Variants in KALRN observed in about 807,000 individuals in gnomAD.
KALRN encodes kalirin RhoGEF kinase.
Under a neutral mutation model 353.7 loss-of-function variants are expected in KALRN, and 70 were observed. That is an observed-to-expected ratio of 0.20 (90% CI 0.16 to 0.24). The LOEUF is 0.24. KALRN is among the 10% of genes least tolerant of loss of function. The probability of loss-of-function intolerance (pLI) is 1.00; values close to 1 mark genes in which losing one functional copy is unlikely to be tolerated. For synonymous variants in KALRN, 1,391 were observed against 1,434.8 expected, an observed-to-expected ratio of 0.97 and a Z score of 0.69; for missense variants, 2,791 against 3,756.7, an observed-to-expected ratio of 0.74 and a Z score of 6.72.
intron 17 of KALRN, among the ~76,000 whole-genome samples, chr3:124,436,850 T>C: frequency 7.1e-6 from 1 of 140,514 alleles, no homozygotes; most frequent in Non-Finnish European, 1.6e-5. Context: ...GAGATGGGAC[T>C]GGAGAAGTCA....
At chr3:124,578,935 CT>C (rs2074381636) in intron 34 of KALRN, among the ~76,000 whole-genome samples, 1 of 152,162 alleles carries the variant, frequency 6.6e-6, no homozygotes, top group East Asian at 1.9e-4. Flanking sequence ...CAAGCCTATG[CT>C]CTATAAAAGG....
Position 124,678,294 on chromosome 3 carries a change from G to A in KALRN, c.7298G>A (p.Gly2433Asp). Residue 2433 changes from glycine (G) to aspartate (D), a missense_variant, in exon 50 of 60, where the codon GGC becomes GAC. Around this residue, in one of 11 missense-constraint regions of KALRN, gnomAD observed 1,065 missense variants for 1,156.4 expected, o/e 0.92. Transcript: ENST00000682506. ...TGPRKPKDIL[G>D]NKVSVKETNS... ...CCTCGTAAACCCAAGGATATTCTGG[G>A]CAACAAAGTCTCTGTTAAAGTGAGT... is the stretch of plus-strand genomic sequence containing the variant. 6.2e-7 allele frequency: 1 copy of A among 1,613,914 alleles called. No homozygotes were observed. Among genetic ancestry groups the A allele is most frequent in the Non-Finnish European group, 8.5e-7 (1 of 1,179,870 alleles).
chr3:124,606,901 C>T (rs142788171), intron 34 of KALRN, among the ~76,000 whole-genome samples: 271 of 152,214 alleles, frequency 1.8e-3, no homozygotes, highest in African/African-American at 5.2e-3. Context: ...CAAATAAAAA[C>T]GATAAGATTA....
intron 38 of KALRN, among the ~76,000 whole-genome samples, chr3:124,652,897 T>C (rs2083578996): frequency 6.6e-6 from 1 of 152,188 alleles, no homozygotes; most frequent in Non-Finnish European, 1.5e-5. Flanking sequence ...ACTCTTAGCA[T>C]GTAGCTTGAA....
At chr3:124,595,940 T>C (rs1457241087) in intron 34 of KALRN, among the ~76,000 whole-genome samples, 2 of 152,208 alleles carry the variant, frequency 1.3e-5, no homozygotes, top group African/African-American at 2.4e-5. Context: ...AAAGGCAATA[T>C]ATCATGATGA....
At chr3:124,379,616 G>C (rs1288382382) in intron 10 of KALRN, among the ~76,000 whole-genome samples, 3 of 152,172 alleles carry the variant, frequency 2.0e-5, no homozygotes, top group Non-Finnish European at 2.9e-5. Flanking sequence ...TGACCCTTCT[G>C]GGTACTCCAT....
At chr3:124,687,375 A>G (rs1387848963) in intron 51 of KALRN, among the ~76,000 whole-genome samples, 1 of 152,154 alleles carries the variant, frequency 6.6e-6, no homozygotes, top group East Asian at 1.9e-4. Flanking sequence ...GGCTGCCAGG[A>G]GCAGCTGGAG....
intron 33 of KALRN, among the ~76,000 whole-genome samples, chr3:124,549,779 A>C (rs2070238677): frequency 6.6e-6 from 1 of 152,106 alleles, no homozygotes; most frequent in Non-Finnish European, 1.5e-5. Context: ...TTGACCTCCA[A>C]AAGCAGGAAA....
At chr3:124,540,237 T>C (rs1290757071) in intron 33 of KALRN, among the ~76,000 whole-genome samples, 2 of 152,170 alleles carry the variant, frequency 1.3e-5, no homozygotes, top group Non-Finnish European at 2.9e-5. Flanking sequence ...TACTTTAAAT[T>C]ATTATAAATG....
At chr3:124,658,598 A>G in intron 42 of KALRN, 81 bp downstream of exon 42, 1 of 1,015,962 alleles carries the variant, frequency 9.8e-7, no homozygotes, top group South Asian at 1.3e-5. Context: ...ACCAGACGTC[A>G]TCCATCCATA....
intron 5 of KALRN, among the ~76,000 whole-genome samples, chr3:124,296,291 CCTT>C (rs544817067): frequency 4.6e-5 from 7 of 152,160 alleles, no homozygotes; most frequent in Non-Finnish European, 1.0e-4. Flanking sequence ...AAGCTTCTTA[CCTT>C]CTTCTTTAGG....
intron 6 of KALRN, among the ~76,000 whole-genome samples, chr3:124,305,374 C>G (rs1233157366): frequency 6.6e-6 from 1 of 152,184 alleles, no homozygotes. Context: ...GGGGCCAGAA[C>G]AAATTTCAAG....
intron 1 of KALRN, among the ~76,000 whole-genome samples, chr3:124,035,135 C>G (rs1347050477): frequency 3.9e-5 from 6 of 152,234 alleles, no homozygotes; most frequent in African/African-American, 1.2e-4. Flanking sequence ...TCATTCTATT[C>G]TGCTTCCCAG....
intron 37 of KALRN, among the ~76,000 whole-genome samples, chr3:124,643,715 T>C (rs997546149): frequency 6.6e-6 from 1 of 152,184 alleles, no homozygotes; most frequent in Non-Finnish European, 1.5e-5. Context: ...GCGTTGAACC[T>C]GAGCTCAAGC....
rs182661996 is a variant in KALRN at position 124,245,182 on chromosome 3, T to C, written c.263+10239T>C. On this transcript the variant is annotated intron_variant, in intron 3 of 59. Coordinates refer to ENST00000682506, the MANE Select transcript of KALRN (RefSeq NM_001388419.1). ...AGCGTCTGGTAATCATCATTGTATT[T>C]ACTACCTGTGTGAGTTGTTTTTTTC... Among the ~76,000 whole-genome samples the C allele has an allele frequency of 7.9e-5, 12 of 152,308 alleles. No individual in the cohort carries two copies. The East Asian group carries it at 2.1e-3, about 27-fold the overall frequency.
At chr3:124,552,372 A>G (rs1410742620) in intron 33 of KALRN, among the ~76,000 whole-genome samples, 1 of 152,202 alleles carries the variant, frequency 6.6e-6, no homozygotes, top group East Asian at 1.9e-4. Flanking sequence ...ATTACCTAAC[A>G]ATAATTAGAC....
rs759826348 is a variant in KALRN, at chr3:124,477,318, C to T, written c.4175C>T (p.Ala1392Val). ...TCCAACCAGCTTATCCTGGAGCATG[C>T]GGGCACCTTCTTTGATGTAAGCTGT... Reference protein sequence around the residue: ...PDSNQLILEHAGTFFDEIQQR... With the variant: ...PDSNQLILEHVGTFFDEIQQR... Residue 1392 changes from alanine (A) to valine (V), a missense_variant, in exon 27 of 60, where the codon GCG (alanine) becomes GTG (valine). Ala to Val is a moderately conservative substitution (Grantham distance 64, BLOSUM62 0). Around this residue, in one of 11 missense-constraint regions of KALRN, gnomAD observed 54 missense variants for 131.7 expected, o/e 0.41. Coordinates refer to ENST00000682506, the MANE Select transcript of KALRN (RefSeq NM_001388419.1). The T allele has an allele frequency of 3.7e-6, 6 of 1,612,642 alleles. No homozygotes were observed. The highest frequency in any genetic ancestry group is 1.7e-5 in the Admixed American group (1 of 59,984).
Position 124,234,815 on chromosome 3 carries a change from C to T in KALRN, c.149-14C>T, listed in dbSNP as rs200042271. ...TGGTTTTCTTAAACACTCTTCTCTT[C>T]CTCCTTCTTGCAGGGGGTCGTGATA... On this transcript the variant is annotated splice_polypyrimidine_tract_variant and intron_variant, in intron 2 of 59. Coordinates refer to ENST00000682506, the MANE Select transcript of KALRN (RefSeq NM_001388419.1). The T allele has an allele frequency of 1.9e-6, 3 of 1,569,848 alleles. No homozygotes were observed. Among genetic ancestry groups the T allele is most frequent in the African/African-American group, 1.4e-5 (1 of 73,904 alleles).
intron 10 of KALRN, among the ~76,000 whole-genome samples, chr3:124,368,085 GGGGGGC>G (rs2085188878): frequency 1.8e-5 from 1 of 57,020 alleles, no homozygotes; most frequent in Non-Finnish European, 3.4e-5. Context: ...CTGGCCAGGC[GGGGGGC>G]TGACCCCCCC....
Sources: allele counts gnomAD v4.1 joint callset (sites outside exome capture counted in the v4.1 genomes callset), GRCh38; gene constraint gnomAD v4.1.1; regional missense constraint gnomAD v4.1.1; transcripts MANE v1.5; gene names NCBI Gene and HGNC (gene_info 2026-07-23, HGNC 2026-07-21).